VWC2: variants seen among roughly 807,000 people sequenced by gnomAD.
The protein encoded by VWC2 is von Willebrand factor C domain containing 2, also known as brorin.
A neutral mutation model predicts 29.8 loss-of-function variants in VWC2; 14 were observed. The observed-to-expected ratio is 0.47, with a 90% CI of 0.31 to 0.74. The LOEUF (loss-of-function observed/expected upper bound fraction) is 0.74, where lower values mean the gene tolerates loss of function less well. VWC2 is among the 30% of genes least tolerant of loss of function. The pLI, the probability that VWC2 is intolerant of heterozygous loss-of-function variation, is 0.05. For synonymous variants in VWC2, 213 were observed against 199.0 expected (o/e 1.07, Z -0.59); for missense variants, 457 against 459.8 (o/e 0.99, Z 0.05).
intron 3 of VWC2, among the ~76,000 whole-genome samples, chr7:49,892,146 G>A (rs990191156): frequency 7.5e-6 from 1 of 133,188 alleles, no homozygotes; most frequent in African/African-American, 2.8e-5. Context: ...CCGGGTTCAC[G>A]CCATTCTCCT....
intron 3 of VWC2, among the ~76,000 whole-genome samples, chr7:49,849,221 T>C (rs376369309): frequency 2.6e-5 from 4 of 152,328 alleles, no homozygotes; most frequent in African/African-American, 9.6e-5. Context: ...ACAGTCACCA[T>C]CTCTTTATCA....
intron 3 of VWC2, among the ~76,000 whole-genome samples, chr7:49,902,264 GA>G (rs1284203029): frequency 2.0e-5 from 3 of 151,770 alleles, no homozygotes; most frequent in Non-Finnish European, 4.4e-5. Flanking sequence ...CAGACTGGAA[GA>G]AAACATTTGC....
At chr7:49,869,262 G>T (rs1484067820) in intron 3 of VWC2, among the ~76,000 whole-genome samples, 1 of 152,154 alleles carries the variant, frequency 6.6e-6, no homozygotes, top group Non-Finnish European at 1.5e-5. Flanking sequence ...TTAAGCCTTT[G>T]CAAAATACAC....
chr7:49,916,766 AC>A lies in VWC2; in HGVS notation c.*4584del, dbSNP rs1456245894. 10 of 152,200 alleles carry A rather than the reference AC, an allele frequency of 6.6e-5. No homozygotes were observed. The highest frequency in any genetic ancestry group is 1.5e-4 in the Non-Finnish European group (10 of 68,028). 9.4% of individuals were successfully genotyped at this position (152,200 alleles called of 1,614,324 possible). A position where few individuals can be genotyped will look rare whatever the true frequency, so the allele number is the denominator to read the frequency against. On this transcript the variant is annotated 3_prime_UTR_variant, in exon 4 of 4. Coordinates refer to ENST00000340652, the MANE Select transcript of VWC2 (RefSeq NM_198570.5). ...TAAAAACTCCCATTACTGTTTGCCA[AC>A]CCAGTTGTCTTTTGATTTCTCTGTC...
intron 3 of VWC2, among the ~76,000 whole-genome samples, chr7:49,876,497 T>C (rs938915684): frequency 2.0e-5 from 3 of 152,172 alleles, no homozygotes; most frequent in South Asian, 4.1e-4. Context: ...AACTCATCTA[T>C]AATTATAATT....
At chr7:49,791,604 G>C (rs1788463807) in intron 2 of VWC2, among the ~76,000 whole-genome samples, 2 of 152,160 alleles carry the variant, frequency 1.3e-5, no homozygotes, top group Non-Finnish European at 2.9e-5. Flanking sequence ...AAGTGACTCA[G>C]CTTTTCAGGA....
intron 3 of VWC2, among the ~76,000 whole-genome samples, chr7:49,817,002 G>A (rs1175629659): frequency 6.6e-6 from 1 of 152,138 alleles, no homozygotes; most frequent in Non-Finnish European, 1.5e-5. Flanking sequence ...ACCCCAAATT[G>A]AGTTTCTTAA....
chr7:49,813,660 A>G (rs1413989623), intron 3 of VWC2, among the ~76,000 whole-genome samples: 2 of 152,232 alleles, frequency 1.3e-5, no homozygotes, highest in African/African-American at 4.8e-5. Context: ...GGTGTATTCT[A>G]CGGATTTTAG....
intron 3 of VWC2, among the ~76,000 whole-genome samples, chr7:49,879,237 T>C (rs528540320): frequency 1.3e-5 from 2 of 152,330 alleles, no homozygotes; most frequent in East Asian, 1.9e-4. Flanking sequence ...TTATTGAATA[T>C]AGTGAGCAAA....
intron 3 of VWC2, among the ~76,000 whole-genome samples, chr7:49,840,038 T>G (rs913371144): frequency 4.6e-5 from 7 of 152,284 alleles, no homozygotes; most frequent in Non-Finnish European, 8.8e-5. Flanking sequence ...TCTCGCCTCA[T>G]GGACAACCCT....
chr7:49,872,927 A>AAAAAG (rs1791235321), intron 3 of VWC2, among the ~76,000 whole-genome samples: 1 of 149,224 alleles, frequency 6.7e-6, no homozygotes, highest in Non-Finnish European at 1.5e-5. Flanking sequence ...AAAAAAAAAA[A>AAAAAG]AAAAAAAAAA....
chr7:49,799,525 T>C (rs1289181365), intron 2 of VWC2, among the ~76,000 whole-genome samples: 1 of 152,152 alleles, frequency 6.6e-6, no homozygotes, highest in Non-Finnish European at 1.5e-5. Context: ...GGCCCAAACC[T>C]GGGATGGGAG....
At chr7:49,882,600 TAGTG>T (rs1791716675) in intron 3 of VWC2, among the ~76,000 whole-genome samples, 1 of 150,818 alleles carries the variant, frequency 6.6e-6, no homozygotes, top group Admixed American at 6.6e-5. Flanking sequence ...GAGACAGAGA[TAGTG>T]AGTACAGAAA....
intron 3 of VWC2, among the ~76,000 whole-genome samples, chr7:49,818,613 T>G (rs1047537034): frequency 6.6e-6 from 1 of 151,840 alleles, no homozygotes; most frequent in African/African-American, 2.4e-5. Flanking sequence ...GAGTAGACCC[T>G]GAAGCAAGGG....
At chr7:49,863,370 G>A (rs1463734840) in intron 3 of VWC2, among the ~76,000 whole-genome samples, 5 of 152,098 alleles carry the variant, frequency 3.3e-5, no homozygotes, top group Admixed American at 3.3e-4. Context: ...CTAAAGATTT[G>A]TCAGTTTTGT....
chr7:49,828,154 G>T (rs769579684), intron 3 of VWC2, among the ~76,000 whole-genome samples: 1 of 152,024 alleles, frequency 6.6e-6, no homozygotes, highest in Non-Finnish European at 1.5e-5. Flanking sequence ...TTTTCACTCA[G>T]CATAATATTT....
intron 2 of VWC2, among the ~76,000 whole-genome samples, chr7:49,788,973 G>A (rs1368770202): frequency 6.7e-6 from 1 of 150,148 alleles, no homozygotes; most frequent in Non-Finnish European, 1.5e-5. Flanking sequence ...ATGAGTGTGT[G>A]TGAGCATGTG....
At chr7:49,879,683 C>T (rs902630548) in intron 3 of VWC2, among the ~76,000 whole-genome samples, 6 of 152,152 alleles carry the variant, frequency 3.9e-5, no homozygotes, top group African/African-American at 1.4e-4. Context: ...TATTTAATCT[C>T]TCCATCCTAG....
chr7:49,906,931 T>TA (rs938830935), intron 3 of VWC2, among the ~76,000 whole-genome samples: 26 of 151,378 alleles, frequency 1.7e-4, no homozygotes, highest in South Asian at 8.3e-4. Context: ...AAGCAGATGA[T>TA]AAAAAAAAAT....
Sources: allele counts gnomAD v4.1 joint callset (sites outside exome capture counted in the v4.1 genomes callset), GRCh38; gene constraint gnomAD v4.1.1; transcripts MANE v1.5; gene names NCBI Gene and HGNC (gene_info 2026-07-23, HGNC 2026-07-21).